Variants in AQP11 observed in about 807,000 individuals in gnomAD.
AQP11 encodes aquaporin-11.
A neutral mutation model predicts 21.1 loss-of-function variants in AQP11; 20 were observed. The observed-to-expected ratio is 0.95, with a 90% CI of 0.67 to 1.38. The LOEUF is 1.38. AQP11 is among the 40% of genes most tolerant of loss of function. The pLI is 0.00. For missense variants in AQP11, 339 were observed against 340.4 expected, an observed-to-expected ratio of 1.00 and a Z score of 0.03; for synonymous variants, 167 against 150.1, an observed-to-expected ratio of 1.11 and a Z score of -0.82.
Position 77,590,202 on chromosome 11 carries a change from G to A in AQP11, c.210G>A (p.Gln70=). ...CTHELQLLSE[Q]HPAHPTWTLT... ...ACGAGCTGCAACTGCTGAGCGAACAGCACCCCGCGCACCCCACCTGGACGC... is the reference window on the plus strand; with the variant it reads ...ACGAGCTGCAACTGCTGAGCGAACAACACCCCGCGCACCCCACCTGGACGC... The change falls in exon 1 of 3, where the codon CAG becomes CAA. Residue 70 remains glutamine, a synonymous_variant. Coordinates refer to ENST00000313578, the MANE Select transcript of AQP11 (RefSeq NM_173039.3). 1.3e-6 allele frequency: 2 copies of A among 1,593,038 alleles called. No individual in the cohort carries two copies. Among genetic ancestry groups the A allele is most frequent in the East Asian group, 2.2e-5 (1 of 44,754 alleles).
chr11:77,597,441 T>G (rs552823226), intron 1 of AQP11, among the ~76,000 whole-genome samples: 373 of 152,148 alleles, frequency 2.5e-3, no homozygotes, highest in African/African-American at 8.5e-3. Flanking sequence ...GCATGGTGGC[T>G]CGCGCCTGTA....
chr11:77,607,634 A>G (rs1565120413), intron 2 of AQP11, among the ~76,000 whole-genome samples: 1 of 152,062 alleles, frequency 6.6e-6, no homozygotes. Context: ...GTAGTAGTAC[A>G]TGCATGTAGT....
intron 1 of AQP11, among the ~76,000 whole-genome samples, chr11:77,600,943 T>A (rs1467146815): frequency 1.4e-5 from 2 of 145,910 alleles, no homozygotes; most frequent in African/African-American, 5.1e-5. Flanking sequence ...ACCCGGGAGG[T>A]GGAGCTTGCA....
chr11:77,590,528 G>GCGCT lies in AQP11; in HGVS notation c.538_541dup (p.Leu181ArgfsTer37). 1 of 1,614,134 alleles carries GCGCT rather than the reference G, an allele frequency of 6.2e-7. No homozygotes were observed. The highest frequency in any genetic ancestry group is 1.7e-5 in the Admixed American group (1 of 60,018). On this transcript the variant is annotated frameshift_variant, in exon 1 of 3. Coordinates refer to ENST00000313578, the MANE Select transcript of AQP11 (RefSeq NM_173039.3). LOFTEE classifies it high-confidence loss of function. ...GCCGTCTGCTCCTTTCTCTTCCACA[G>GCGCT]CGCTCTGCTGCACTTCCAGGAAGTC...
rs1320262703 is a variant in AQP11 at position 77,590,464 on chromosome 11, C to T, written c.472C>T (p.Pro158Ser). The part of the protein sequence containing the change: ...VSERSFACKN[P>S]IRVDLLKAVI... ...CGAGAGGAGCTTCGCTTGCAAGAAT[C>T]CCATCCGAGTCGACTTGCTCAAAGC... The change falls in exon 1 of 3, where the codon CCC becomes TCC. Residue 158 changes from proline (P) to serine (S), a missense_variant. Coordinates refer to ENST00000313578, the MANE Select transcript of AQP11 (RefSeq NM_173039.3). The T allele has an allele frequency of 1.2e-6, 2 of 1,614,034 alleles. No homozygotes were observed. The highest frequency in any genetic ancestry group is 3.3e-5 in the Admixed American group (2 of 60,004).
chr11:77,607,883 G>C (rs1368390500), intron 2 of AQP11, among the ~76,000 whole-genome samples: 1 of 150,876 alleles, frequency 6.6e-6, no homozygotes, highest in Non-Finnish European at 1.5e-5. Flanking sequence ...AGTTTTAAAT[G>C]TCTTATTTTC....
At position 77,590,001 on chromosome 11, in the gene AQP11, G is replaced by C. The variant is rs1250258668; in HGVS notation, c.9G>C (p.Pro3=). The C allele has an allele frequency of 1.4e-5, 21 of 1,487,512 alleles. No homozygotes were observed. Among genetic ancestry groups the C allele is most frequent in the Admixed American group, 7.2e-5 (3 of 41,882 alleles). 92.1% of individuals were successfully genotyped at this position (1,487,512 alleles called of 1,614,324 possible). ...CAGGCGGCGACGGAGCCATGTCGCC[G>C]CTGCTGGGGCTCCGGTCCGAGCTGC... is the stretch of plus-strand genomic sequence containing the variant. The part of the protein sequence containing the change: MS[P]LLGLRSELQD... Residue 3 remains proline (P), a synonymous_variant, in exon 1 of 3, where the codon CCG becomes CCC. Coordinates refer to ENST00000313578, the MANE Select transcript of AQP11 (RefSeq NM_173039.3).
intron 1 of AQP11, among the ~76,000 whole-genome samples, chr11:77,596,508 G>GTGTAAATATATATGTAAATATATA (rs1442190979): frequency 9.2e-6 from 1 of 108,762 alleles, no homozygotes; most frequent in Non-Finnish European, 2.0e-5. Context: ...AAATATATAT[G>GTGTAAATATATATGTAAATATATA]TGTAAATATA....
Position 77,609,500 on chromosome 11 carries a change from C to A in AQP11, c.*123C>A. 2.8e-6 allele frequency: 2 copies of A among 707,396 alleles called. No individual in the cohort carries two copies. Among genetic ancestry groups the A allele is most frequent in the Non-Finnish European group, 4.4e-6 (2 of 452,746 alleles). 43.8% of individuals were successfully genotyped at this position (707,396 alleles called of 1,614,324 possible). ...TCAGTGTTAACTTCCTTTGAGGAAG[C>A]TGCCTTATAGTTTTCATCACTGGGA... On this transcript the variant is annotated 3_prime_UTR_variant, in exon 3 of 3. Transcript: ENST00000313578.
chr11:77,595,803 C>T (rs1958775007), intron 1 of AQP11, among the ~76,000 whole-genome samples: 1 of 151,964 alleles, frequency 6.6e-6, no homozygotes, highest in African/African-American at 2.4e-5. Context: ...CACCTGTAAT[C>T]CCAGCTACTT....
intron 1 of AQP11, among the ~76,000 whole-genome samples, chr11:77,600,694 T>C (rs1958810274): frequency 6.6e-6 from 1 of 152,178 alleles, no homozygotes; most frequent in Non-Finnish European, 1.5e-5. Context: ...ACATTTAGGT[T>C]TTTCCTAGTT....
chr11:77,590,757 G>A, intron 1 of AQP11, 146 bp downstream of exon 1: 1 of 1,480,226 alleles, frequency 6.8e-7, no homozygotes, highest in African/African-American at 1.4e-5. Context: ...TTTGCAGCCC[G>A]TTCTTAACCA....
At chr11:77,606,983 C>A (rs1958850358) in intron 2 of AQP11, among the ~76,000 whole-genome samples, 1 of 152,122 alleles carries the variant, frequency 6.6e-6, no homozygotes. Context: ...GGTCTAAGGA[C>A]CCCTACCTTT....
intron 1 of AQP11, among the ~76,000 whole-genome samples, chr11:77,599,333 A>G (rs960878721): frequency 4.6e-5 from 7 of 152,166 alleles, no homozygotes; most frequent in African/African-American, 1.7e-4. Context: ...GGTTTGTTAC[A>G]TAGGTATACA....
chr11:77,590,506 G>A lies in AQP11; in HGVS notation c.514G>A (p.Val172Ile), dbSNP rs1565115792. 7 of 1,614,124 alleles carry A rather than the reference G, an allele frequency of 4.3e-6. No individual in the cohort carries two copies. In the East Asian group the frequency reaches 1.1e-4, roughly 26 times the overall value. The stretch of plus-strand genomic sequence containing the variant: ...GCTCAAAGCGGTCATCACAGAGGCC[G>A]TCTGCTCCTTTCTCTTCCACAGCGC... ...DLLKAVITEA[V>I]CSFLFHSALL... is the part of the protein sequence containing the mutation. The change falls in exon 1 of 3, where the codon GTC (valine) becomes ATC (isoleucine). Residue 172 changes from valine to isoleucine, a missense_variant. Transcript: ENST00000313578.
intron 1 of AQP11, among the ~76,000 whole-genome samples, chr11:77,592,722 G>C (rs1958756126): frequency 6.6e-6 from 1 of 152,184 alleles, no homozygotes; most frequent in South Asian, 2.1e-4. Flanking sequence ...AAAGTTATTA[G>C]AAGTATCTAT....
At chr11:77,592,168 A>G (rs1341280239) in intron 1 of AQP11, among the ~76,000 whole-genome samples, 1 of 152,018 alleles carries the variant, frequency 6.6e-6, no homozygotes, top group Non-Finnish European at 1.5e-5. Flanking sequence ...TTGGGAGGCT[A>G]AGGTGGGAGG....
rs780361645 is a variant in AQP11, at chr11:77,590,074, A to T, written c.82A>T (p.Met28Leu). ...ACTGATGCTGTCGGTGGTGCTGCTCATGGGGCTGGCCCGCGTAGTCGCCCG... is the reference window on the plus strand; with the variant it reads ...ACTGATGCTGTCGGTGGTGCTGCTCTTGGGGCTGGCCCGCGTAGTCGCCCG... ...LGLMLSVVLLMGLARVVARQQ... is the reference protein window; with the variant it reads ...LGLMLSVVLLLGLARVVARQQ... The change falls in exon 1 of 3, where the codon ATG (methionine) becomes TTG (leucine). Residue 28 changes from methionine to leucine, a missense_variant. Transcript: ENST00000313578. The T allele has an allele frequency of 3.1e-6, 5 of 1,606,336 alleles. No homozygotes were observed. Among genetic ancestry groups the T allele is most frequent in the Non-Finnish European group, 4.2e-6 (5 of 1,178,764 alleles).
intron 1 of AQP11, 86 bp downstream of exon 1, chr11:77,590,697 C>T (rs1018638266): frequency 2.0e-6 from 3 of 1,516,860 alleles, no homozygotes; most frequent in South Asian, 2.7e-5. Flanking sequence ...CATTTGAAAC[C>T]GTCTATCCCG....
Sources: allele counts gnomAD v4.1 joint callset (sites outside exome capture counted in the v4.1 genomes callset), GRCh38; gene constraint gnomAD v4.1.1; transcripts MANE v1.5; gene names NCBI Gene and HGNC (gene_info 2026-07-23, HGNC 2026-07-21).